IGFBP7: variants seen among roughly 807,000 people sequenced by gnomAD.
IGFBP7 encodes insulin-like growth factor-binding protein 7.
Under a neutral mutation model 29.4 loss-of-function variants are expected in IGFBP7, and 31 were observed. That is an observed-to-expected ratio of 1.05 (90% CI 0.79 to 1.42). The LOEUF (loss-of-function observed/expected upper bound fraction) is 1.42, where lower values mean the gene tolerates loss of function less well. Among genes scored for constraint, IGFBP7 ranks in the 40% most tolerant of loss-of-function variants. The pLI is 0.00. For synonymous variants in IGFBP7, 172 were observed against 174.9 expected (o/e 0.98, Z 0.13); for missense variants, 393 against 395.5 (o/e 0.99, Z 0.05).
chr4:57,040,794 AG>A (rs1251806171), intron 2 of IGFBP7, 29 bp downstream of exon 2: 1 of 1,408,240 alleles, frequency 7.1e-7, no homozygotes, highest in African/African-American at 1.4e-5. Flanking sequence ...TTGTCAGCCT[AG>A]GATGTCTCTT....
Position 57,077,452 on chromosome 4 carries a change from A to AT in IGFBP7, c.475+32424dup, listed in dbSNP as rs1461761000. 3.3e-5 allele frequency among the ~76,000 whole-genome samples: 5 copies of AT among 152,156 alleles called. No homozygotes were observed. In the East Asian group the frequency reaches 9.7e-4, roughly 29 times the overall value. ...GCCACCATACCCGGCTAATTTTTGTATTTTTAGTAGAAACGGGGTTTGACC... is the reference window on the plus strand; with the variant it reads ...GCCACCATACCCGGCTAATTTTTGTATTTTTTAGTAGAAACGGGGTTTGACC... On this transcript the variant is annotated intron_variant, in intron 1 of 4. Coordinates refer to ENST00000295666, the MANE Select transcript of IGFBP7 (RefSeq NM_001553.3).
chr4:57,049,776 C>A (rs1209101823), intron 1 of IGFBP7, among the ~76,000 whole-genome samples: 1 of 152,124 alleles, frequency 6.6e-6, no homozygotes, highest in Non-Finnish European at 1.5e-5. Context: ...ATCAAAAGAT[C>A]TTCATGTTCA....
intron 4 of IGFBP7, 64 bp downstream of exon 4, chr4:57,032,358 CTTAG>C: frequency 3.8e-6 from 6 of 1,585,430 alleles, no homozygotes; most frequent in Non-Finnish European, 5.2e-6. Flanking sequence ...TACTTTCATA[CTTAG>C]TTCTGTTCTT....
chr4:57,045,410 C>T (rs1228172450), intron 1 of IGFBP7, among the ~76,000 whole-genome samples: 1 of 152,172 alleles, frequency 6.6e-6, no homozygotes, highest in Non-Finnish European at 1.5e-5. Context: ...ACAAACAATA[C>T]GTAAACTGGA....
At chr4:57,053,017 A>ATTTT (rs1336397444) in intron 1 of IGFBP7, among the ~76,000 whole-genome samples, 1 of 120,812 alleles carries the variant, frequency 8.3e-6, no homozygotes, top group Non-Finnish European at 1.8e-5. Context: ...TTTCTTTTCT[A>ATTTT]TCTTTTTTTT....
intron 1 of IGFBP7, among the ~76,000 whole-genome samples, chr4:57,054,551 A>C (rs1724595449): frequency 6.7e-6 from 1 of 150,326 alleles, no homozygotes; most frequent in Non-Finnish European, 1.5e-5. Flanking sequence ...AGGCAGAAGA[A>C]TTGTTTGAAC....
chr4:57,062,944 A>G (rs1724833378), intron 1 of IGFBP7, among the ~76,000 whole-genome samples: 1 of 152,168 alleles, frequency 6.6e-6, no homozygotes, highest in African/African-American at 2.4e-5. Context: ...TACATTTACT[A>G]AACTGTAAAA....
chr4:57,087,349 G>A (rs546061893), intron 1 of IGFBP7, among the ~76,000 whole-genome samples: 58 of 152,314 alleles, frequency 3.8e-4, no homozygotes, highest in African/African-American at 1.4e-3. Flanking sequence ...GCTTCTAGAT[G>A]GGAAAACACT....
intron 1 of IGFBP7, among the ~76,000 whole-genome samples, chr4:57,054,495 T>C (rs1203502984): frequency 6.6e-6 from 1 of 151,774 alleles, no homozygotes; most frequent in Non-Finnish European, 1.5e-5. Context: ...TTAGTCAGGC[T>C]AATTTTGGTA....
intron 1 of IGFBP7, among the ~76,000 whole-genome samples, chr4:57,053,522 C>T (rs1453045853): frequency 6.6e-6 from 1 of 152,154 alleles, no homozygotes; most frequent in Non-Finnish European, 1.5e-5. Flanking sequence ...TTCAGGTGTG[C>T]AAGATGGTGA....
intron 1 of IGFBP7, among the ~76,000 whole-genome samples, chr4:57,080,221 A>G (rs942212353): frequency 6.6e-6 from 1 of 152,346 alleles, no homozygotes. Context: ...GATTTTCAAA[A>G]TAACATACTT....
chr4:57,039,521 T>C lies in IGFBP7; in HGVS notation c.585+1303A>G, dbSNP rs577033604. On this transcript the variant is annotated intron_variant, in intron 2 of 4. Transcript: ENST00000295666. The stretch of plus-strand genomic sequence containing the variant: ...TAGAGGCTGGGGATACTGCTAAACA[T>C]CTTCCAAAGCACAGGCAGCCCGCAC... Among the ~76,000 whole-genome samples, 4 of 152,198 alleles carry C rather than the reference T, an allele frequency of 2.6e-5. No individual in the cohort carries two copies. The South Asian group carries it at 8.3e-4, about 32-fold the overall frequency.
At position 57,110,168 on chromosome 4, in the gene IGFBP7, T is replaced by G; in HGVS notation, c.184A>C (p.Met62Leu). 1 of 1,439,454 alleles carries G rather than the reference T, an allele frequency of 6.9e-7. No individual in the cohort carries two copies. Among genetic ancestry groups the G allele is most frequent in the Non-Finnish European group, 9.0e-7 (1 of 1,105,994 alleles). The allele number at this position is 1,439,454 out of a possible 1,614,324, so 89.2% of individuals were successfully genotyped here. A position where few individuals can be genotyped will look rare whatever the true frequency, so the allele number is the denominator to read the frequency against. ...ETRDACGCCP[M>L]CARGEGEPCG... Reference sequence around the variant, plus strand: ...GGCTCGCCCTCGCCGCGGGCGCACATAGGGCAGCAGCCGCACGCGTCGCGG... The same window carrying G: ...GGCTCGCCCTCGCCGCGGGCGCACAGAGGGCAGCAGCCGCACGCGTCGCGG... Residue 62 changes from methionine to leucine, a missense_variant, in exon 1 of 5, where the codon ATG becomes CTG. By Grantham distance (15) the Met-to-Leu change is conservative. Transcript: ENST00000295666.
intron 1 of IGFBP7, among the ~76,000 whole-genome samples, chr4:57,046,207 T>A (rs562918671): frequency 4.3e-4 from 66 of 152,050 alleles, no homozygotes; most frequent in African/African-American, 1.5e-3. Flanking sequence ...GCCCCAACAA[T>A]GCTGCACTCT....
In IGFBP7 at chr4:57,057,391, G is replaced by A. The variant is rs7699276; in HGVS notation, c.476-16458C>T. The stretch of plus-strand genomic sequence containing the variant: ...ACATGCAAAGTATCCTAACGGTCAC[G>A]TGAACCTGGGGCTTATTGTAGAACT... On this transcript the variant is annotated intron_variant, in intron 1 of 4. Transcript: ENST00000295666. Among the ~76,000 whole-genome samples the A allele has an allele frequency of 4.6e-4, 70 of 152,302 alleles. No individual in the cohort carries two copies. In the South Asian group the frequency reaches 0.012, roughly 27 times the overall value.
chr4:57,057,284 A>T (rs370989165), intron 1 of IGFBP7, among the ~76,000 whole-genome samples: 64 of 152,368 alleles, frequency 4.2e-4, no homozygotes, highest in African/African-American at 1.5e-3. Context: ...CGTTGGGATT[A>T]CATGTGTGAG....
At chr4:57,096,788 C>T (rs1262520204) in intron 1 of IGFBP7, among the ~76,000 whole-genome samples, 1 of 152,160 alleles carries the variant, frequency 6.6e-6, no homozygotes, top group East Asian at 1.9e-4. Flanking sequence ...AATGAATCAA[C>T]CTAAGTGGGC....
At position 57,110,040 on chromosome 4, in the gene IGFBP7, A is replaced by G; in HGVS notation, c.312T>C (p.Gly104=). 7 of 1,558,580 alleles carry G rather than the reference A, an allele frequency of 4.5e-6. No individual in the cohort carries two copies. The highest frequency in any genetic ancestry group is 6.0e-6 in the Non-Finnish European group (7 of 1,158,314). ...ACACGCACACGCCGCTTACACCCGG[A>G]CCGCCGGCTGCTGCCCCGGCTTTAC... ...RKGKAGAAAG[G]PGVSGVCVCK... is the part of the protein sequence containing the mutation. The change falls in exon 1 of 5, where the codon GGT becomes GGC. Residue 104 remains glycine, a synonymous_variant. Transcript: ENST00000295666.
intron 1 of IGFBP7, among the ~76,000 whole-genome samples, chr4:57,108,785 G>A (rs776074476): frequency 5.3e-5 from 8 of 152,026 alleles, no homozygotes; most frequent in Non-Finnish European, 1.0e-4. Context: ...CTGACCTCGT[G>A]ATCTGCCCAT....
Sources: gnomAD v4.1 joint callset for allele counts (sites outside exome capture counted in the v4.1 genomes callset) on GRCh38, gnomAD v4.1.1 for gene constraint, MANE v1.5 for transcripts, NCBI Gene and HGNC (gene_info 2026-07-23, HGNC 2026-07-21) for gene names.